EMID1: variants seen among roughly 807,000 people sequenced by gnomAD.
The protein encoded by EMID1 is EMI domain-containing protein 1.
Under a neutral mutation model 60.6 loss-of-function variants are expected in EMID1, and 40 were observed. The observed-to-expected ratio is 0.66, with a 90% CI of 0.51 to 0.86. The LOEUF (loss-of-function observed/expected upper bound fraction) is 0.86. Ranked by LOEUF, EMID1 falls within the 40% of genes least tolerant of loss-of-function variation. EMID1 has a pLI of 0.00. For synonymous variants in EMID1, 242 were observed against 231.0 expected, an observed-to-expected ratio of 1.05 and a Z score of -0.43; for missense variants, 585 against 597.1, an observed-to-expected ratio of 0.98 and a Z score of 0.21.
intron 1 of EMID1, among the ~76,000 whole-genome samples, chr22:29,213,006 T>G (rs751106622): frequency 5.3e-5 from 8 of 152,242 alleles, no homozygotes; most frequent in Non-Finnish European, 1.0e-4. Flanking sequence ...AAGCCCTCCT[T>G]GCTCCCAGAC....
rs370133513 is a variant in EMID1, at chr22:29,215,492, C to A, written c.216-35C>A. 3.1e-6 allele frequency: 5 copies of A among 1,595,428 alleles called. No homozygotes were observed. In the East Asian group the frequency reaches 8.9e-5, roughly 28 times the overall value. On this transcript the variant is annotated intron_variant, in intron 2 of 14. Coordinates refer to ENST00000334018, the MANE Select transcript of EMID1 (RefSeq NM_133455.4). ...GGCAGTGGGAGAGGTCATGGAGGACCCTGTCTCAGCTGGGCCACCTGGGGA... is the reference window on the plus strand; with the variant it reads ...GGCAGTGGGAGAGGTCATGGAGGACACTGTCTCAGCTGGGCCACCTGGGGA...
rs971325190 is a variant in EMID1 at position 29,215,283 on chromosome 22, T to G, written c.215+244T>G. ...TCCTTTACTCAGTGAGTATTCACGC[T>G]GGGCTCAGGCCAGCCCAGCCTGCAG... On this transcript the variant is annotated intron_variant, in intron 2 of 14. Coordinates refer to ENST00000334018, the MANE Select transcript of EMID1 (RefSeq NM_133455.4). 5 of 985,148 alleles carry G rather than the reference T, an allele frequency of 5.1e-6. No individual in the cohort carries two copies. In the African/African-American group the frequency reaches 8.7e-5, roughly 17 times the overall value. 61.0% of individuals were successfully genotyped at this position (985,148 alleles called of 1,614,324 possible). A position where few individuals can be genotyped will look rare whatever the true frequency, so the allele number is the denominator to read the frequency against.
rs959398772 is a variant in EMID1, at chr22:29,215,717, G to C, written c.319+87G>C. ...TGCATGGAGCCGTGAACTATTAAGA[G>C]AGTCATGCACAGTACCATGCCTGCT... On this transcript the variant is annotated intron_variant, in intron 3 of 14. Coordinates refer to ENST00000334018, the MANE Select transcript of EMID1 (RefSeq NM_133455.4). 4.7e-6 allele frequency: 5 copies of C among 1,065,908 alleles called. No individual in the cohort carries two copies. The African/African-American group carries it at 7.7e-5, about 17-fold the overall frequency. The allele number at this position is 1,065,908 out of a possible 1,614,324, so 66.0% of individuals were successfully genotyped here.
chr22:29,226,568 C>A lies in EMID1; in HGVS notation c.465+17C>A. 2 of 1,607,912 alleles carry A rather than the reference C, an allele frequency of 1.2e-6. No individual in the cohort carries two copies. The highest frequency in any genetic ancestry group is 2.2e-5 in the East Asian group (1 of 44,652). On this transcript the variant is annotated intron_variant, in intron 5 of 14. Transcript: ENST00000334018. The stretch of plus-strand genomic sequence containing the variant: ...GAGGCCAAGGTGGGTGAGCAGCTCC[C>A]TCCTGGGTGGTTGTTCCCTGCCACA...
intron 14 of EMID1, among the ~76,000 whole-genome samples, chr22:29,255,847 A>T (rs760673044): frequency 6.6e-6 from 1 of 152,188 alleles, no homozygotes; most frequent in Non-Finnish European, 1.5e-5. Context: ...GAAACAGCAT[A>T]AGCGAAGGCC....
In EMID1 at chr22:29,232,256, G is replaced by A; in HGVS notation, c.677G>A (p.Gly226Asp). Residue 226 changes from glycine to aspartate, a missense_variant and splice_region_variant, in exon 8 of 15, where the codon GGT (glycine) becomes GAT (aspartate). Physicochemically the swap from Gly to Asp is moderately conservative, Grantham distance 94. Coordinates refer to ENST00000334018, the MANE Select transcript of EMID1 (RefSeq NM_133455.4). ...ACAAATCCGTGTGATTCCATTGCAG[G>A]TCCACAGGGCCCCCCAGGGAGCCCT... ...RGPMGMRGPPGPQGPPGSPGR... is the reference protein window; with the variant it reads ...RGPMGMRGPPDPQGPPGSPGR... The A allele has an allele frequency of 6.2e-7, 1 of 1,611,584 alleles. No homozygotes were observed. The highest frequency in any genetic ancestry group is 8.5e-7 in the Non-Finnish European group (1 of 1,179,764).
intron 5 of EMID1, 91 bp from the exon 6 acceptor site, chr22:29,230,929 T>C: frequency 6.6e-7 from 1 of 1,509,382 alleles, no homozygotes; most frequent in Non-Finnish European, 8.9e-7. Flanking sequence ...CATTCTAGCC[T>C]GGGCAACAGA....
At chr22:29,248,819 C>T (rs1255805454) in intron 13 of EMID1, among the ~76,000 whole-genome samples, 1 of 27,266 alleles carries the variant, frequency 3.7e-5, no homozygotes, top group African/African-American at 1.3e-4. Context: ...CCAACCTGGG[C>T]GACAGAGCAA....
At position 29,259,234 on chromosome 22, in the gene EMID1, C is replaced by A; in HGVS notation, c.*290C>A. 4.7e-6 allele frequency: 2 copies of A among 422,194 alleles called. No homozygotes were observed. The highest frequency in any genetic ancestry group is 8.4e-6 in the Non-Finnish European group (2 of 237,454). 26.2% of individuals were successfully genotyped at this position (422,194 alleles called of 1,614,324 possible). ...GGCTTCGTCTCATCTGCTGTCTGAG[C>A]ATCCAGGCCCAAAGGCACTGAGGGA... On this transcript the variant is annotated 3_prime_UTR_variant, in exon 15 of 15. Coordinates refer to ENST00000334018, the MANE Select transcript of EMID1 (RefSeq NM_133455.4).
rs141300364 is a variant in EMID1 at position 29,248,942 on chromosome 22, G to A, written c.1120-5261G>A. Among the ~76,000 whole-genome samples, 148 of 152,256 alleles carry A rather than the reference G, an allele frequency of 9.7e-4. No individual in the cohort carries two copies. In the East Asian group the frequency reaches 0.012, roughly 12 times the overall value. On this transcript the variant is annotated intron_variant, in intron 13 of 14. Transcript: ENST00000334018. ...CCACTGTGGAGATATGCAATCCATC[G>A]TAGACTGAAACATCATTATGTGATG...
intron 1 of EMID1, among the ~76,000 whole-genome samples, chr22:29,206,777 T>C (rs1367805068): frequency 6.6e-6 from 1 of 152,142 alleles, no homozygotes; most frequent in African/African-American, 2.4e-5. Flanking sequence ...TTATATATAG[T>C]GTCCTCATCA....
At chr22:29,217,640 ATGGGCAGGATGATAAGAGTC>A (rs2040137065) in intron 3 of EMID1, among the ~76,000 whole-genome samples, 1 of 152,222 alleles carries the variant, frequency 6.6e-6, no homozygotes, top group South Asian at 2.1e-4. Flanking sequence ...CACCCGGGAA[ATGGGCAGGATGATAAGAGTC>A]TGCCTCCCTG....
At chr22:29,253,011 C>G (rs2041580502) in intron 13 of EMID1, among the ~76,000 whole-genome samples, 1 of 152,234 alleles carries the variant, frequency 6.6e-6, no homozygotes, top group African/African-American at 2.4e-5. Flanking sequence ...TATTGACATA[C>G]TGATGGTCCC....
At chr22:29,210,961 T>TGC (rs1406349056) in intron 1 of EMID1, among the ~76,000 whole-genome samples, 1 of 152,076 alleles carries the variant, frequency 6.6e-6, no homozygotes, top group Non-Finnish European at 1.5e-5. Context: ...GTGAGAAGTG[T>TGC]GTGTGTGTGT....
At chr22:29,247,007 G>C (rs566008633) in intron 13 of EMID1, among the ~76,000 whole-genome samples, 24 of 151,996 alleles carry the variant, frequency 1.6e-4, no homozygotes, top group African/African-American at 5.8e-4. Flanking sequence ...TATTGAGACA[G>C]AGTCTCTATC....
rs1043481946 is a variant in EMID1, at chr22:29,254,273, T to C, written c.1190T>C (p.Met397Thr). Residue 397 changes from methionine (M) to threonine (T), a missense_variant, in exon 14 of 15, where the codon ATG becomes ACG. By Grantham distance (81) the Met-to-Thr change is moderately conservative. Transcript: ENST00000334018. ...LAERVLILET[M>T]IGLYEPELGS... ...GAGAGGGTTTTAATCTTGGAAACAA[T>C]GATTGGGCTCTATGGTGAGTAGAGA... The C allele has an allele frequency of 6.2e-7, 1 of 1,614,086 alleles. No homozygotes were observed. Among genetic ancestry groups the C allele is most frequent in the Admixed American group, 1.7e-5 (1 of 60,030 alleles).
intron 1 of EMID1, among the ~76,000 whole-genome samples, chr22:29,211,452 G>A (rs563770060): frequency 4.6e-5 from 7 of 152,258 alleles, no homozygotes; most frequent in South Asian, 4.1e-4. Flanking sequence ...GTGTGTGCAC[G>A]TGCTCACTGC....
At position 29,206,047 on chromosome 22, in the gene EMID1, C is replaced by T; in HGVS notation, c.9C>T (p.Gly3=). MG[G]PRAWALLCLG... The stretch of plus-strand genomic sequence containing the variant: ...AGGGCGCCTGGTGCAGCATGGGCGG[C>T]CCGCGGGCTTGGGCGCTGCTCTGCC... Residue 3 remains glycine, a synonymous_variant, in exon 1 of 15, where the codon GGC becomes GGT. Transcript: ENST00000334018. The T allele has an allele frequency of 1.6e-6, 2 of 1,227,208 alleles. No homozygotes were observed. Among genetic ancestry groups the T allele is most frequent in the Non-Finnish European group, 1.0e-6 (1 of 985,098 alleles). 76.0% of individuals were successfully genotyped at this position (1,227,208 alleles called of 1,614,324 possible). A position where few individuals can be genotyped will look rare whatever the true frequency, so the allele number is the denominator to read the frequency against.
chr22:29,226,000 G>T (rs112646521), intron 4 of EMID1, among the ~76,000 whole-genome samples: 1 of 152,022 alleles, frequency 6.6e-6, no homozygotes, highest in South Asian at 2.1e-4. Flanking sequence ...CCCCAAAGCC[G>T]GCAAGCCCTG....
Sources: allele counts gnomAD v4.1 joint callset (sites outside exome capture counted in the v4.1 genomes callset), GRCh38; gene constraint gnomAD v4.1.1; transcripts MANE v1.5; gene names NCBI Gene and HGNC (gene_info 2026-07-23, HGNC 2026-07-21).